The following SEPTIN7 variants were observed in gnomAD, a reference collection of about 807,000 sequenced individuals.
The protein encoded by SEPTIN7 is septin 7, also known as septin-7.
Under a neutral mutation model 63.3 loss-of-function variants are expected in SEPTIN7, and 10 were observed. The ratio of observed to expected loss-of-function variants is 0.16; its 90% CI spans 0.10 to 0.27. The LOEUF (loss-of-function observed/expected upper bound fraction) is 0.27, where lower values mean the gene tolerates loss of function less well. Ranked by LOEUF, SEPTIN7 falls within the 10% of genes least tolerant of loss-of-function variation. The probability of loss-of-function intolerance (pLI) is 1.00; values close to 1 mark genes in which losing one functional copy is unlikely to be tolerated. For missense variants in SEPTIN7, 310 were observed against 521.0 expected, an observed-to-expected ratio of 0.59 and a Z score of 3.94; for synonymous variants, 131 against 165.3, an observed-to-expected ratio of 0.79 and a Z score of 1.59.
chr7:35,891,562 A>G (rs906636540), intron 11 of SEPTIN7, among the ~76,000 whole-genome samples: 2 of 152,164 alleles, frequency 1.3e-5, no homozygotes, highest in African/African-American at 2.4e-5. Flanking sequence ...TAAAAGATTA[A>G]AAATGGTATA....
At chr7:35,853,709 T>C (rs947603397) in intron 3 of SEPTIN7, among the ~76,000 whole-genome samples, 5 of 152,224 alleles carry the variant, frequency 3.3e-5, no homozygotes, top group African/African-American at 9.6e-5. Context: ...CTTATAGTTA[T>C]TGAATAAAAA....
chr7:35,862,349 A>AT (rs1315967309), intron 3 of SEPTIN7, among the ~76,000 whole-genome samples: 1 of 152,136 alleles, frequency 6.6e-6, no homozygotes, highest in Non-Finnish European at 1.5e-5. Flanking sequence ...TACAGTGTTA[A>AT]TTTTTTAATT....
At chr7:35,886,808 G>GA (rs1277250472) in intron 10 of SEPTIN7, among the ~76,000 whole-genome samples, 1 of 152,230 alleles carries the variant, frequency 6.6e-6, no homozygotes, top group Admixed American at 6.5e-5. Context: ...GGAATAACAA[G>GA]AGGTCATTCT....
intron 1 of SEPTIN7, among the ~76,000 whole-genome samples, chr7:35,825,831 C>T (rs1447012552): frequency 6.6e-6 from 1 of 152,036 alleles, no homozygotes; most frequent in East Asian, 1.9e-4. Context: ...TTATCTCATT[C>T]TTGTATGTAT....
At position 35,883,971 on chromosome 7, in the gene SEPTIN7, T is replaced by C; in HGVS notation, c.804T>C (p.Pro268=). 1 of 1,606,160 alleles carries C rather than the reference T, an allele frequency of 6.2e-7. No individual in the cohort carries two copies. Among genetic ancestry groups the C allele is most frequent in the Admixed American group, 1.7e-5 (1 of 59,928 alleles). The change falls in exon 9 of 14, where the codon CCT becomes CCC. Residue 268 remains proline (P), a synonymous_variant. Transcript: ENST00000350320. ...NGKRVRGRQY[P]WGVAEVENGE... ...AAAGGGTCAGAGGAAGGCAGTATCCTTGGGGTGTTGCTGAAGGTAAGATTT... is the reference window on the plus strand; with the variant it reads ...AAAGGGTCAGAGGAAGGCAGTATCCCTGGGGTGTTGCTGAAGGTAAGATTT...
chr7:35,894,886 GTGGCA>G (rs1045343690), intron 11 of SEPTIN7, among the ~76,000 whole-genome samples: 13 of 152,164 alleles, frequency 8.5e-5, no homozygotes, highest in Admixed American at 2.0e-4. Context: ...TCATCCTTAT[GTGGCA>G]TGGTGGCTAT....
At chr7:35,839,714 T>A (rs927632581) in intron 3 of SEPTIN7, among the ~76,000 whole-genome samples, 3 of 152,046 alleles carry the variant, frequency 2.0e-5, no homozygotes, top group African/African-American at 2.4e-5. Context: ...ACCATCACGC[T>A]CAGCTAATTT....
Position 35,872,703 on chromosome 7 carries a change from T to C in SEPTIN7, c.314T>C (p.Val105Ala). 6.2e-7 allele frequency: 1 copy of C among 1,612,758 alleles called. No homozygotes were observed. The highest frequency in any genetic ancestry group is 8.5e-7 in the Non-Finnish European group (1 of 1,178,916). ...QSKVLIKEGG[V>A]QLLLTIVDTP... ...AAAGTTTTAATCAAAGAAGGTGGTG[T>C]TCAGTTGCTGCTCACAATAGTTGAT... is the stretch of plus-strand genomic sequence containing the variant. Residue 105 changes from valine (V) to alanine (A), a missense_variant, in exon 5 of 14, where the codon GTT becomes GCT. Physicochemically the swap from Val to Ala is moderately conservative, Grantham distance 64. This residue lies in a region of SEPTIN7 where 255 missense variants were observed against 490.5 expected (regional missense o/e 0.52). Transcript: ENST00000350320.
At chr7:35,808,791 A>G (rs1788517950) in intron 1 of SEPTIN7, among the ~76,000 whole-genome samples, 1 of 152,218 alleles carries the variant, frequency 6.6e-6, no homozygotes, top group South Asian at 2.1e-4. Context: ...ACCATAGCAT[A>G]TGGATAGATC....
chr7:35,886,985 C>A (rs1391676165), intron 10 of SEPTIN7, among the ~76,000 whole-genome samples: 2 of 152,180 alleles, frequency 1.3e-5, no homozygotes, highest in African/African-American at 4.8e-5. Flanking sequence ...TTTAATTCAG[C>A]AGTTGAGGTT....
Position 35,891,705 on chromosome 7 carries a change from C to T in SEPTIN7, c.998+912C>T, listed in dbSNP as rs568602464. On this transcript the variant is annotated intron_variant, in intron 11 of 13. Transcript: ENST00000350320. ...TGTACACTACTGTGGACTTTATGAA[C>T]ACTGTACACTTAGGCTATACTAAAT... Among the ~76,000 whole-genome samples the T allele has an allele frequency of 1.8e-4, 28 of 152,230 alleles. 1 individual carries two copies. In the South Asian group the frequency reaches 5.2e-3, roughly 28 times the overall value.
chr7:35,896,563 G>A (rs1583646686), intron 11 of SEPTIN7, among the ~76,000 whole-genome samples: 1 of 152,062 alleles, frequency 6.6e-6, no homozygotes, highest in South Asian at 2.1e-4. Flanking sequence ...AGAGGCAACT[G>A]TATTAAAAAC....
chr7:35,805,187 T>C (rs564422922), intron 1 of SEPTIN7, among the ~76,000 whole-genome samples: 1 of 152,148 alleles, frequency 6.6e-6, no homozygotes, highest in Non-Finnish European at 1.5e-5. Flanking sequence ...CGGCCAAGTG[T>C]TTGTGCTTCT....
At chr7:35,869,033 CTTG>C (rs1785985215) in intron 4 of SEPTIN7, among the ~76,000 whole-genome samples, 1 of 151,898 alleles carries the variant, frequency 6.6e-6, no homozygotes, top group African/African-American at 2.4e-5. Flanking sequence ...CAGGGAAATT[CTTG>C]TTGAGGTTGA....
intron 1 of SEPTIN7, chr7:35,803,127 G>A: frequency 1.0e-6 from 1 of 955,988 alleles, no homozygotes; most frequent in South Asian, 4.8e-5. Flanking sequence ...AAAGGATATT[G>A]TCTTTTTCTA....
In SEPTIN7 at chr7:35,807,440, TAAG is replaced by T. The variant is rs1788422477; in HGVS notation, c.61+6174_61+6176del. Among the ~76,000 whole-genome samples the T allele has an allele frequency of 1.4e-5, 2 of 143,460 alleles. 1 individual carries two copies. Among genetic ancestry groups the T allele is most frequent in the African/African-American group, 5.2e-5 (2 of 38,378 alleles). 94.1% of individuals were successfully genotyped at this position (143,460 alleles called of 152,430 possible). Reference sequence around the variant, plus strand: ...GCAGTGGCGCGATCTCGGCTCGCTGTAAGAAGGTCTGCCTCCCGGGTTCACACC... The same window carrying T: ...GCAGTGGCGCGATCTCGGCTCGCTGTAAGGTCTGCCTCCCGGGTTCACACC... On this transcript the variant is annotated intron_variant, in intron 1 of 13. Coordinates refer to ENST00000350320, the MANE Select transcript of SEPTIN7 (RefSeq NM_001788.6).
intron 4 of SEPTIN7, among the ~76,000 whole-genome samples, chr7:35,865,848 G>A (rs1785781980): frequency 6.6e-6 from 1 of 152,106 alleles, no homozygotes; most frequent in African/African-American, 2.4e-5. Context: ...GATGTGACAT[G>A]CCCTCAATTT....
chr7:35,888,398 ATAACT>A (rs752775554), intron 10 of SEPTIN7, among the ~76,000 whole-genome samples: 2 of 152,238 alleles, frequency 1.3e-5, no homozygotes, highest in Non-Finnish European at 2.9e-5. Flanking sequence ...ACTAACAAAA[ATAACT>A]TAACAATTAG....
At chr7:35,910,032 G>C (rs542556344), downstream of SEPTIN7, among the ~76,000 whole-genome samples, 11 of 152,204 alleles carry the variant, frequency 7.2e-5, no homozygotes, top group African/African-American at 2.4e-4. Flanking sequence ...GCAAGTTGAC[G>C]TTAAGAGGCC....
Sources: allele counts gnomAD v4.1 joint callset (sites outside exome capture counted in the v4.1 genomes callset), GRCh38; gene constraint gnomAD v4.1.1; regional missense constraint gnomAD v4.1.1; transcripts MANE v1.5; gene names NCBI Gene and HGNC (gene_info 2026-07-23, HGNC 2026-07-21).